The following DOT1L variants were observed in gnomAD, a reference collection of about 807,000 sequenced individuals.
DOT1L encodes the protein DOT1 like histone lysine methyltransferase, also known as histone-lysine N-methyltransferase, H3 lysine-79 specific.
A neutral mutation model predicts 153.3 loss-of-function variants in DOT1L; 33 were observed. The observed-to-expected ratio is 0.22, with a 90% CI of 0.16 to 0.29. DOT1L has a LOEUF of 0.29. Among genes scored for constraint, DOT1L ranks in the 10% least tolerant of loss-of-function variants. The pLI is 1.00. For synonymous variants in DOT1L, 1,135 were observed against 965.1 expected, an observed-to-expected ratio of 1.18 and a Z score of -3.26; for missense variants, 1,847 against 2,119.9, an observed-to-expected ratio of 0.87 and a Z score of 2.53.
intron 1 of DOT1L, among the ~76,000 whole-genome samples, chr19:2,173,738 A>G (rs1337089167): frequency 6.6e-6 from 1 of 152,200 alleles, no homozygotes; most frequent in African/African-American, 2.4e-5. Context: ...TGGGCAGCTC[A>G]TAAGTGTGAA....
Position 2,216,616 on chromosome 19 carries a change from C to T in DOT1L, c.2259C>T (p.Ser753=). 6.2e-7 allele frequency: 1 copy of T among 1,606,716 alleles called. No individual in the cohort carries two copies. The highest frequency in any genetic ancestry group is 1.3e-5 in the African/African-American group (1 of 75,044). Residue 753 remains serine (S), a synonymous_variant, in exon 20 of 28, where the codon AGC becomes AGT. Coordinates refer to ENST00000398665, the MANE Select transcript of DOT1L (RefSeq NM_032482.3). ...AGGAGGTGGTGCCCTGTACCCCTAG[C>T]CACGTCGGCCGGCCGCGCCTGGAGA... The part of the protein sequence containing the change: ...LDQEVVPCTP[S]HVGRPRLEKL...
chr19:2,201,827 C>T (rs1018680671), intron 8 of DOT1L, among the ~76,000 whole-genome samples: 5 of 152,248 alleles, frequency 3.3e-5, no homozygotes, highest in Non-Finnish European at 7.3e-5. Flanking sequence ...CAGGCAGCCC[C>T]AGCCCTAGGC....
rs968015336 is a variant in DOT1L at position 2,229,205 on chromosome 19, C to A, written c.4607-580C>A. 6 of 985,362 alleles carry A rather than the reference C, an allele frequency of 6.1e-6. No individual in the cohort carries two copies. The African/African-American group carries it at 1.0e-4, about 17-fold the overall frequency. The allele number at this position is 985,362 out of a possible 1,614,324, so 61.0% of individuals were successfully genotyped here. ...GGGAATGTCCTGTTCACTCCTCCCC[C>A]AAGAGGCTGTGGAGACTGTGGCCGC... On this transcript the variant is annotated intron_variant, in intron 27 of 27. Coordinates refer to ENST00000398665, the MANE Select transcript of DOT1L (RefSeq NM_032482.3).
At chr19:2,178,368 G>GA (rs367964093) in intron 1 of DOT1L, among the ~76,000 whole-genome samples, 10,827 of 85,654 alleles carry the variant, frequency 0.13, 759 homozygotes, top group African/African-American at 0.25. Flanking sequence ...GTCTCTACCA[G>GA]AAAAAAAAAA....
intron 8 of DOT1L, among the ~76,000 whole-genome samples, chr19:2,200,977 T>TTCCTCGTCCTCCCCG (rs2023247382): frequency 1.2e-5 from 1 of 81,982 alleles, no homozygotes; most frequent in African/African-American, 5.4e-5. Flanking sequence ...CGTCCTCCCC[T>TTCCTCGTCCTCCCCG]CATTCCTCGT....
intron 3 of DOT1L, among the ~76,000 whole-genome samples, chr19:2,186,833 C>T (rs1040569377): frequency 9.9e-5 from 15 of 152,238 alleles, no homozygotes; most frequent in African/African-American, 3.4e-4. Context: ...CGGGGCCTCT[C>T]GCCACCCCCC....
At position 2,222,843 on chromosome 19, in the gene DOT1L, A is replaced by G. The variant is rs2024176755; in HGVS notation, c.3390+284A>G. The G allele has an allele frequency of 9.2e-6, 4 of 434,288 alleles. No homozygotes were observed. Among genetic ancestry groups the G allele is most frequent in the Admixed American group, 8.0e-5 (2 of 25,146 alleles). The allele number at this position is 434,288 out of a possible 1,614,324, so 26.9% of individuals were successfully genotyped here. ...GGCTTGCAGTGAACTGAGATCGGCC[A>G]CTGCCTGGGCCACAGAGCGAGACTC... On this transcript the variant is annotated intron_variant, in intron 24 of 27. Coordinates refer to ENST00000398665, the MANE Select transcript of DOT1L (RefSeq NM_032482.3). This position sits in a 1 kb window ranked among gnomAD's most constrained non-coding sequence, Gnocchi z 6.5.
chr19:2,184,714 G>A (rs1419846369), intron 2 of DOT1L, among the ~76,000 whole-genome samples: 1 of 152,174 alleles, frequency 6.6e-6, no homozygotes, highest in Non-Finnish European at 1.5e-5. Context: ...TGATGGCACC[G>A]AATGCCGTCC....
At chr19:2,199,523 C>T (rs2023157285) in intron 7 of DOT1L, among the ~76,000 whole-genome samples, 1 of 152,214 alleles carries the variant, frequency 6.6e-6, no homozygotes, top group Non-Finnish European at 1.5e-5. Flanking sequence ...CGCCTCTGGT[C>T]CTGAGAGTGG....
rs1052563684 is a variant in DOT1L at position 2,232,214 on chromosome 19, A to G, written c.*2422A>G. The G allele has an allele frequency of 4.5e-6, 1 of 220,626 alleles. No individual in the cohort carries two copies. The highest frequency in any genetic ancestry group is 9.1e-6 in the Non-Finnish European group (1 of 110,324). 13.7% of individuals were successfully genotyped at this position (220,626 alleles called of 1,614,324 possible). On this transcript the variant is annotated 3_prime_UTR_variant, in exon 28 of 28. Coordinates refer to ENST00000398665, the MANE Select transcript of DOT1L (RefSeq NM_032482.3). ...GGCTCTTGCTCAGGAATTGATAGGA[A>G]CCCTAAAAACTAGGATACCCCCTCC...
At chr19:2,180,805 C>T (rs774843128) in intron 2 of DOT1L, 49 bp downstream of exon 2, 1 of 1,603,900 alleles carries the variant, frequency 6.2e-7, no homozygotes, top group African/African-American at 1.3e-5. Context: ...TGAGCCACTT[C>T]CGTGGACACC....
At chr19:2,199,974 G>A in intron 8 of DOT1L, 35 bp downstream of exon 8, 2 of 1,609,666 alleles carry the variant, frequency 1.2e-6, no homozygotes, top group Admixed American at 1.7e-5. Context: ...GGCATGTGGG[G>A]TGTGCGCTCA....
intron 1 of DOT1L, among the ~76,000 whole-genome samples, chr19:2,164,933 C>T (rs1599517168): frequency 6.6e-6 from 1 of 152,174 alleles, no homozygotes; most frequent in African/African-American, 2.4e-5. Flanking sequence ...GACTTCTCCC[C>T]GATCTTGAGT....
chr19:2,216,742 GGCT>G lies in DOT1L; in HGVS notation c.2388_2390del (p.Ala797del). On this transcript the variant is annotated inframe_deletion, in exon 20 of 28. Transcript: ENST00000398665. ...AGGACCACACGGTGCCCGGCAGGCC[GGCT>G]GCCAGTGAGCTGCATTCGAGGTGAG... 6.3e-7 allele frequency: 1 copy of G among 1,594,474 alleles called. No homozygotes were observed. Among genetic ancestry groups the G allele is most frequent in the South Asian group, 1.1e-5 (1 of 90,756 alleles).
chr19:2,210,285 A>G (rs972587057), intron 12 of DOT1L, 115 bp from the exon 13 acceptor site: 4 of 910,788 alleles, frequency 4.4e-6, no homozygotes, highest in Non-Finnish European at 6.3e-6. Context: ...GAGGACTTGC[A>G]GTGGACAGAG....
chr19:2,198,816 T>TCTGTG (rs2023129199), intron 7 of DOT1L, among the ~76,000 whole-genome samples: 1 of 152,206 alleles, frequency 6.6e-6, no homozygotes, highest in Non-Finnish European at 1.5e-5. Flanking sequence ...TGCGTGGCCC[T>TCTGTG]CTGTGTCCGG....
Position 2,226,102 on chromosome 19 carries a change from G to A in DOT1L, c.3662-81G>A, listed in dbSNP as rs1234560075. The A allele has an allele frequency of 4.1e-5, 59 of 1,428,166 alleles. No homozygotes were observed. In the South Asian group the frequency reaches 4.5e-4, roughly 11 times the overall value. The allele number at this position is 1,428,166 out of a possible 1,614,324, so 88.5% of individuals were successfully genotyped here. A position where few individuals can be genotyped will look rare whatever the true frequency, so the allele number is the denominator to read the frequency against. On this transcript the variant is annotated intron_variant, in intron 26 of 27. Transcript: ENST00000398665. ...CCCTGCCTGCAGAGTTGCCCGGGCC[G>A]TGGCAGCAGCCCCGGTTAGCCTCAT...
intron 1 of DOT1L, chr19:2,164,570 C>A: frequency 8.3e-6 from 2 of 240,042 alleles, no homozygotes; most frequent in Non-Finnish European, 1.6e-5. Context: ...TCGTGCCGGC[C>A]GCGTTTTGAC....
chr19:2,215,903 G>C (rs1049555014), intron 19 of DOT1L: 1 of 191,214 alleles, frequency 5.2e-6, no homozygotes, highest in African/African-American at 2.3e-5. Context: ...AAAGGAAAAA[G>C]CCCCTCTCAG....
Sources: allele counts gnomAD v4.1 joint callset (sites outside exome capture counted in the v4.1 genomes callset), GRCh38; gene constraint gnomAD v4.1.1; non-coding constraint Gnocchi (gnomAD v3.1); transcripts MANE v1.5; gene names NCBI Gene and HGNC (gene_info 2026-07-23, HGNC 2026-07-21).